The following PDE1C variants were observed in gnomAD, a reference collection of about 807,000 sequenced individuals.
PDE1C encodes phosphodiesterase 1C.
A neutral mutation model predicts 93.1 loss-of-function variants in PDE1C; 62 were observed. The ratio of observed to expected loss-of-function variants is 0.67; its 90% CI spans 0.54 to 0.82. The LOEUF (loss-of-function observed/expected upper bound fraction) is 0.82, where lower values mean the gene tolerates loss of function less well. Among genes scored for constraint, PDE1C ranks in the 40% least tolerant of loss-of-function variants. The pLI is 0.00. For synonymous variants in PDE1C, 325 were observed against 310.1 expected (o/e 1.05, Z -0.50); for missense variants, 742 against 884.6 (o/e 0.84, Z 2.04).
At chr7:32,417,865 G>A (rs953409683) in intron 1 of PDE1C, among the ~76,000 whole-genome samples, 5 of 152,100 alleles carry the variant, frequency 3.3e-5, no homozygotes, top group Non-Finnish European at 5.9e-5. Flanking sequence ...GTGACTCAAC[G>A]TAGTAATTTG....
At chr7:31,930,251 T>C (rs1025491605) in intron 2 of PDE1C, among the ~76,000 whole-genome samples, 2 of 152,094 alleles carry the variant, frequency 1.3e-5, no homozygotes, top group Non-Finnish European at 2.9e-5. Context: ...AGTTCTGAAA[T>C]TGAGGCAGTA....
rs750716629 is a variant in PDE1C, at chr7:31,802,298, A to G, written c.1891+6733T>C. Among the ~76,000 whole-genome samples the G allele has an allele frequency of 3.3e-5, 5 of 151,442 alleles. No individual in the cohort carries two copies. In the South Asian group the frequency reaches 6.2e-4, roughly 19 times the overall value. ...GCTCTTAATTTACCTCAATCCTCCA[A>G]TGATTTTATAACACCTCATGCATGA... On this transcript the variant is annotated intron_variant, in intron 16 of 17. Transcript: ENST00000396191.
At chr7:31,624,861 G>A in the PDE1C span, among the ~76,000 whole-genome samples, 76 of 152,202 alleles carry the variant, frequency 5.0e-4, no homozygotes, top group South Asian at 8.5e-3. Flanking sequence ...AAAAATTTTC[G>A]CAACCTATTC....
intron 1 of PDE1C, among the ~76,000 whole-genome samples, chr7:32,329,665 A>G (rs1015914432): frequency 2.6e-5 from 4 of 152,240 alleles, no homozygotes; most frequent in African/African-American, 9.6e-5. Flanking sequence ...AGAGAAAAAT[A>G]ATGGTCATCT....
chr7:32,374,375 T>C (rs1784400217), intron 1 of PDE1C, among the ~76,000 whole-genome samples: 1 of 152,122 alleles, frequency 6.6e-6, no homozygotes, highest in African/African-American at 2.4e-5. Flanking sequence ...ATTTGATCAA[T>C]ATAGTATGGA....
At chr7:32,126,201 CTAGATAGA>C (rs5883326) in intron 3 of PDE1C, among the ~76,000 whole-genome samples, 8,504 of 146,962 alleles carry the variant, frequency 0.058, 258 homozygotes, top group East Asian at 0.17. Flanking sequence ...ATCCACTATT[CTAGATAGA>C]TAGATAGATA....
intron 6 of PDE1C, among the ~76,000 whole-genome samples, chr7:31,866,274 A>G (rs1466197196): frequency 6.6e-6 from 1 of 152,236 alleles, no homozygotes; most frequent in Non-Finnish European, 1.5e-5. Flanking sequence ...TCCCTTGGTC[A>G]TATTCTTCCA....
At chr7:32,066,101 G>A (rs965792132) in intron 1 of PDE1C, among the ~76,000 whole-genome samples, 2 of 152,202 alleles carry the variant, frequency 1.3e-5, no homozygotes, top group Admixed American at 6.5e-5. Context: ...CAGAAGAAAA[G>A]CAAAGCCTCC....
At chr7:31,697,342 T>A in the PDE1C span, among the ~76,000 whole-genome samples, 1 of 152,164 alleles carries the variant, frequency 6.6e-6, no homozygotes, top group Non-Finnish European at 1.5e-5. Flanking sequence ...GCATTACTCA[T>A]GCCTCAGCAG....
intron 2 of PDE1C, among the ~76,000 whole-genome samples, chr7:31,950,815 A>G (rs763191044): frequency 1.3e-5 from 2 of 152,194 alleles, no homozygotes; most frequent in Non-Finnish European, 2.9e-5. Flanking sequence ...TTGAAATTCT[A>G]TTAGAGAAGG....
At chr7:32,141,263 T>C (rs921441693) in intron 3 of PDE1C, among the ~76,000 whole-genome samples, 1 of 152,068 alleles carries the variant, frequency 6.6e-6, no homozygotes, top group African/African-American at 2.4e-5. Context: ...GGACAGGAGT[T>C]CAATGCTGTA....
the PDE1C span, among the ~76,000 whole-genome samples, chr7:31,634,592 T>C: frequency 2.0e-5 from 3 of 152,188 alleles, no homozygotes; most frequent in East Asian, 5.8e-4. Flanking sequence ...TGGTTCAGCA[T>C]GGAGCCTAAC....
At chr7:32,428,124 G>C (rs1047347698) in exon 1 of PDE1C, 3 of 152,364 alleles carry the variant, frequency 2.0e-5, no homozygotes, top group Admixed American at 1.3e-4. Flanking sequence ...GGAGGAGACC[G>C]AGCCCATCTC....
chr7:32,371,387 G>C (rs1381501635), intron 1 of PDE1C, among the ~76,000 whole-genome samples: 1 of 152,132 alleles, frequency 6.6e-6, no homozygotes, highest in African/African-American at 2.4e-5. Flanking sequence ...CAACTTGTTT[G>C]AGTTATTACT....
At chr7:31,964,291 G>A (rs770563968) in intron 2 of PDE1C, among the ~76,000 whole-genome samples, 12 of 152,172 alleles carry the variant, frequency 7.9e-5, no homozygotes, top group African/African-American at 1.7e-4. Context: ...CTTAACAAAC[G>A]GCACACCAGG....
intron 2 of PDE1C, among the ~76,000 whole-genome samples, chr7:32,047,592 AT>A (rs1792778073): frequency 6.6e-6 from 1 of 152,174 alleles, no homozygotes; most frequent in Non-Finnish European, 1.5e-5. Flanking sequence ...TAAAATCACT[AT>A]CATCAAAACA....
intron 1 of PDE1C, among the ~76,000 whole-genome samples, chr7:32,341,454 C>A (rs945646361): frequency 2.0e-5 from 3 of 151,884 alleles, no homozygotes; most frequent in African/African-American, 7.3e-5. Context: ...GGATTACAGG[C>A]GTGAGCCACC....
chr7:31,679,729 G>A, the PDE1C span, among the ~76,000 whole-genome samples: 3 of 152,246 alleles, frequency 2.0e-5, no homozygotes, highest in African/African-American at 4.8e-5. Flanking sequence ...TGTGTCTGCC[G>A]TTATTACCAT....
chr7:32,037,216 C>T (rs1392316797), intron 2 of PDE1C, among the ~76,000 whole-genome samples: 1 of 152,128 alleles, frequency 6.6e-6, no homozygotes, highest in Non-Finnish European at 1.5e-5. Context: ...ATGGGCCATT[C>T]TGACAGACAA....
Sources: gnomAD v4.1 joint callset for allele counts (sites outside exome capture counted in the v4.1 genomes callset) on GRCh38, gnomAD v4.1.1 for gene constraint, MANE v1.5 for transcripts, NCBI Gene and HGNC (gene_info 2026-07-23, HGNC 2026-07-21) for gene names.